Variants in RORB observed in about 807,000 individuals in gnomAD.
RORB encodes the protein RAR related orphan receptor B, also known as nuclear receptor ROR-beta.
RORB carries 6 observed loss-of-function variants against 59.1 expected under a neutral mutation model. The ratio of observed to expected loss-of-function variants is 0.10; its 90% confidence interval spans 0.06 to 0.20. The LOEUF is 0.20. Among genes scored for constraint, RORB ranks in the 10% least tolerant of loss-of-function variants. The pLI, the probability that RORB is intolerant of heterozygous loss-of-function variation, is 1.00. For synonymous variants in RORB, 215 were observed against 204.5 expected, an observed-to-expected ratio of 1.05 and a Z score of -0.44; for missense variants, 320 against 560.5, an observed-to-expected ratio of 0.57 and a Z score of 4.33.
rs150231817 is a variant in RORB, at chr9:74,527,167, G to T, written c.7+29184G>T. On this transcript the variant is annotated intron_variant, in intron 1 of 9. Transcript: ENST00000376896. ...TAGTAATACATTTTTCAGTGTGAAAGGACTTTGTTATTCAGATTTCACATT... is the reference window on the plus strand; with the variant it reads ...TAGTAATACATTTTTCAGTGTGAAATGACTTTGTTATTCAGATTTCACATT... Among the ~76,000 whole-genome samples the T allele has an allele frequency of 1.3e-3, 202 of 152,072 alleles. 7 individuals are homozygous for T. In the East Asian group the frequency reaches 0.036, roughly 27 times the overall value.
chr9:74,554,859 G>T (rs1483237310), intron 1 of RORB, among the ~76,000 whole-genome samples: 1 of 152,150 alleles, frequency 6.6e-6, no homozygotes, highest in East Asian at 1.9e-4. Flanking sequence ...CCTAGAACAT[G>T]AGCCAGCATC....
At chr9:74,658,007 A>G (rs1413758185) in intron 4 of RORB, among the ~76,000 whole-genome samples, 2 of 45,320 alleles carry the variant, frequency 4.4e-5, no homozygotes, top group Non-Finnish European at 1.3e-4. Flanking sequence ...TCGGTCTCAA[A>G]AAAAAAAAAA....
intron 1 of RORB, among the ~76,000 whole-genome samples, chr9:74,586,074 A>G (rs796983716): frequency 3.3e-5 from 5 of 152,218 alleles, no homozygotes; most frequent in African/African-American, 9.6e-5. Context: ...GATTACAGGC[A>G]TGAGCCACTG....
intron 1 of RORB, among the ~76,000 whole-genome samples, chr9:74,605,214 G>A (rs1249950129): frequency 2.6e-5 from 4 of 152,048 alleles, no homozygotes; most frequent in African/African-American, 4.8e-5. Context: ...TGAAAATGTC[G>A]ACCCAGCCTA....
rs147110640 is a variant in RORB, at chr9:74,598,187, T to C, written c.8-32095T>C. Among the ~76,000 whole-genome samples, 9 of 152,234 alleles carry C rather than the reference T, an allele frequency of 5.9e-5. No individual in the cohort carries two copies. In the East Asian group the frequency reaches 7.7e-4, roughly 13 times the overall value. ...GGCGTGTCAATTGCCCATCAACCGA[T>C]TGGGGCCTGGGGTGTTGGAGGTGAA... On this transcript the variant is annotated intron_variant, in intron 1 of 9. Coordinates refer to ENST00000376896, the MANE Select transcript of RORB (RefSeq NM_006914.4).
chr9:74,603,175 T>TA (rs1460188422), intron 1 of RORB, among the ~76,000 whole-genome samples: 8 of 152,178 alleles, frequency 5.3e-5, no homozygotes, highest in African/African-American at 1.9e-4. Context: ...AAAACATGCA[T>TA]ATGCCCAGTC....
chr9:74,534,878 T>C (rs1659811676), intron 1 of RORB, among the ~76,000 whole-genome samples: 1 of 152,084 alleles, frequency 6.6e-6, no homozygotes, highest in South Asian at 2.1e-4. Context: ...AGACTCACAA[T>C]TGGATTTGGC....
intron 9 of RORB, among the ~76,000 whole-genome samples, chr9:74,676,141 G>A (rs1824437756): frequency 6.6e-6 from 1 of 152,172 alleles, no homozygotes; most frequent in South Asian, 2.1e-4. Context: ...CATGGGTCTA[G>A]CCCATTCCCA....
At chr9:74,551,979 G>C (rs1416776949) in intron 1 of RORB, among the ~76,000 whole-genome samples, 2 of 152,162 alleles carry the variant, frequency 1.3e-5, no homozygotes, top group Non-Finnish European at 2.9e-5. Flanking sequence ...CACTACACAA[G>C]AGGCTATTGA....
rs534691283 is a variant in RORB, at chr9:74,575,243, C to A, written c.8-55039C>A. Among the ~76,000 whole-genome samples the A allele has an allele frequency of 2.5e-4, 38 of 152,222 alleles. No individual in the cohort carries two copies. The South Asian group carries it at 7.7e-3, about 31-fold the overall frequency. On this transcript the variant is annotated intron_variant, in intron 1 of 9. Coordinates refer to ENST00000376896, the MANE Select transcript of RORB (RefSeq NM_006914.4). Reference sequence around the variant, plus strand: ...TCTTCTCATTTTACAAACAAGGAAACTGAGTCTCAACCTCCTTGATGGCTC... The same window carrying A: ...TCTTCTCATTTTACAAACAAGGAAAATGAGTCTCAACCTCCTTGATGGCTC...
rs546721839 is a variant in RORB at position 74,622,066 on chromosome 9, A to G, written c.8-8216A>G. Reference sequence around the variant, plus strand: ...TTTTTTTTTCATTTTCTGAAACGATATATTTTGCTCTTTTTGAATTATTCT... The same window carrying G: ...TTTTTTTTTCATTTTCTGAAACGATGTATTTTGCTCTTTTTGAATTATTCT... On this transcript the variant is annotated intron_variant, in intron 1 of 9. Transcript: ENST00000376896. 2.6e-5 allele frequency among the ~76,000 whole-genome samples: 4 copies of G among 152,096 alleles called. No homozygotes were observed. In the South Asian group the frequency reaches 8.3e-4, roughly 32 times the overall value.
intron 1 of RORB, among the ~76,000 whole-genome samples, chr9:74,513,375 T>C (rs1203406314): frequency 6.6e-6 from 1 of 151,850 alleles, no homozygotes; most frequent in East Asian, 1.9e-4. Context: ...TAGTATTAGG[T>C]TGATGGAAAA....
At chr9:74,665,460 T>A in intron 6 of RORB, 28 bp from the exon 7 acceptor site, 1 of 1,374,210 alleles carries the variant, frequency 7.3e-7, no homozygotes, top group Non-Finnish European at 1.0e-6. Context: ...ATTTTTATTT[T>A]ATTTTTATTT....
At chr9:74,659,154 A>G (rs1045919032) in intron 4 of RORB, among the ~76,000 whole-genome samples, 11 of 152,192 alleles carry the variant, frequency 7.2e-5, no homozygotes, top group African/African-American at 2.7e-4. Context: ...CCAACGTGCC[A>G]GGCAATGGTC....
In RORB at chr9:74,625,820, G is replaced by A. The variant is rs192939444; in HGVS notation, c.8-4462G>A. Among the ~76,000 whole-genome samples, 11 of 152,274 alleles carry A rather than the reference G, an allele frequency of 7.2e-5. No individual in the cohort carries two copies. In the East Asian group the frequency reaches 1.5e-3, roughly 21 times the overall value. On this transcript the variant is annotated intron_variant, in intron 1 of 9. Transcript: ENST00000376896. ...AATATAGGAATGGCCAAGTTGAATTGTAAGAGTTGGAAGGGTGAGAATTGA... is the reference window on the plus strand; with the variant it reads ...AATATAGGAATGGCCAAGTTGAATTATAAGAGTTGGAAGGGTGAGAATTGA...
intron 6 of RORB, among the ~76,000 whole-genome samples, chr9:74,663,546 T>C (rs1824222737): frequency 6.6e-6 from 1 of 152,210 alleles, no homozygotes; most frequent in Non-Finnish European, 1.5e-5. Context: ...CAACTTGATG[T>C]ACCAGTCATC....
intron 1 of RORB, among the ~76,000 whole-genome samples, chr9:74,534,679 A>G (rs1220956371): frequency 6.6e-6 from 1 of 151,960 alleles, no homozygotes; most frequent in Non-Finnish European, 1.5e-5. Flanking sequence ...GCCACCATAT[A>G]TAAATTCTCT....
At chr9:74,509,899 G>A (rs887073360) in intron 1 of RORB, among the ~76,000 whole-genome samples, 29 of 152,028 alleles carry the variant, frequency 1.9e-4, no homozygotes, top group Non-Finnish European at 3.1e-4. Context: ...AAAGAAATGC[G>A]GAGTTCTGCT....
Position 74,614,266 on chromosome 9 carries a change from G to T in RORB, c.8-16016G>T, listed in dbSNP as rs143623054. Among the ~76,000 whole-genome samples the T allele has an allele frequency of 7.4e-4, 113 of 152,238 alleles. 1 individual carries two copies. The East Asian group carries it at 0.018, about 24-fold the overall frequency. ...AGTGGGTAACTCAGTGGGGTAGTAC[G>T]GAGGGCTGAGGGTTGGGCTAACACA... is the stretch of plus-strand genomic sequence containing the variant. On this transcript the variant is annotated intron_variant, in intron 1 of 9. Transcript: ENST00000376896.
Sources: gnomAD v4.1 joint callset for allele counts (sites outside exome capture counted in the v4.1 genomes callset) on GRCh38, gnomAD v4.1.1 for gene constraint, MANE v1.5 for transcripts, NCBI Gene and HGNC (gene_info 2026-07-23, HGNC 2026-07-21) for gene names.